Variants in SMYD3 observed in about 807,000 individuals in gnomAD.
The protein encoded by SMYD3 is SET and MYND domain containing 3.
A neutral mutation model predicts 57.7 loss-of-function variants in SMYD3; 36 were observed. The observed-to-expected ratio is 0.62, with a 90% CI of 0.48 to 0.82. SMYD3 has a LOEUF of 0.82. Ranked by LOEUF, SMYD3 falls within the 40% of genes least tolerant of loss-of-function variation. SMYD3 has a pLI of 0.00. For missense variants in SMYD3, 515 were observed against 538.8 expected (o/e 0.96, Z 0.44); for synonymous variants, 211 against 195.0 (o/e 1.08, Z -0.68).
intron 5 of SMYD3, among the ~76,000 whole-genome samples, chr1:246,075,885 ATC>A (rs1313931731): frequency 1.3e-5 from 2 of 149,300 alleles, no homozygotes; most frequent in Non-Finnish European, 3.0e-5. Context: ...AAATTTAATT[ATC>A]TGTTTTATAA....
intron 11 of SMYD3, among the ~76,000 whole-genome samples, chr1:245,756,948 TATTA>T (rs1202752207): frequency 2.6e-5 from 4 of 152,144 alleles, no homozygotes; most frequent in East Asian, 1.9e-4. Context: ...AGTTTTCCAC[TATTA>T]ATTCTTTTTT....
At position 245,928,046 on chromosome 1, in the gene SMYD3, A is replaced by G. The variant is rs763055220; in HGVS notation, c.600-13T>C. ...GAGCAAAGAGATACTGGAAAAAAAA[A>G]GGGGGGAAGACTGTCACAGCTCAGC... is the stretch of plus-strand genomic sequence containing the variant. On this transcript the variant is annotated splice_polypyrimidine_tract_variant and intron_variant, in intron 6 of 11. Coordinates refer to ENST00000490107, the MANE Select transcript of SMYD3 (RefSeq NM_001167740.2). 5.7e-5 allele frequency: 91 copies of G among 1,599,126 alleles called. No homozygotes were observed. Among genetic ancestry groups the G allele is most frequent in the African/African-American group, 4.2e-4 (31 of 74,676 alleles).
intron 8 of SMYD3, among the ~76,000 whole-genome samples, chr1:245,905,814 T>C (rs1016776768): frequency 9.9e-5 from 15 of 152,152 alleles, no homozygotes; most frequent in African/African-American, 3.6e-4. Flanking sequence ...CATGGAACAA[T>C]GGAACACAAC....
chr1:246,202,095 A>G lies in SMYD3; in HGVS notation c.531+125106T>C, dbSNP rs948066508. On this transcript the variant is annotated intron_variant, in intron 5 of 11. Transcript: ENST00000490107. The surrounding 1 kb of genome is among the most constrained non-coding windows in gnomAD (Gnocchi z 4.1). ...GAAAAACTGGAAATATGTACTGCAA[A>G]ATAATAATTATTATTTCTAGATGGT... Among the ~76,000 whole-genome samples the G allele has an allele frequency of 1.3e-5, 2 of 152,084 alleles. No homozygotes were observed. Among genetic ancestry groups the G allele is most frequent in the African/African-American group, 4.8e-5 (2 of 41,406 alleles).
intron 1 of SMYD3, among the ~76,000 whole-genome samples, chr1:246,407,669 T>A (rs2066887935): frequency 6.6e-6 from 1 of 151,778 alleles, no homozygotes; most frequent in Non-Finnish European, 1.5e-5. Context: ...TGGTGAAACC[T>A]CGTCTCTACT....
intron 5 of SMYD3, among the ~76,000 whole-genome samples, chr1:245,993,577 AAAAGATAGATAGATAGAT>A (rs1333910218): frequency 0.065 from 8,555 of 131,182 alleles, 378 homozygotes; most frequent in Non-Finnish European, 0.078. Flanking sequence ...TCAAAAAAAA[AAAAGATAGATAGATAGAT>A]AGATAGATAG....
rs181779614 is a variant in SMYD3 at position 246,027,828 on chromosome 1, G to A, written c.532-97891C>T. The stretch of plus-strand genomic sequence containing the variant: ...AAGAAATACATTTTGTAAGGCTATA[G>A]CTGCCATCAATATTGATTCTTCTGA... On this transcript the variant is annotated intron_variant, in intron 5 of 11. Coordinates refer to ENST00000490107, the MANE Select transcript of SMYD3 (RefSeq NM_001167740.2). Among the ~76,000 whole-genome samples the A allele has an allele frequency of 2.0e-5, 3 of 152,280 alleles. No homozygotes were observed. The East Asian group carries it at 5.8e-4, about 29-fold the overall frequency.
intron 5 of SMYD3, among the ~76,000 whole-genome samples, chr1:246,216,524 G>GT (rs1434247043): frequency 6.6e-6 from 1 of 152,058 alleles, no homozygotes; most frequent in Non-Finnish European, 1.5e-5. Context: ...TTAGAGAATT[G>GT]TTACTAATTG....
chr1:246,010,503 T>C (rs932447685), intron 5 of SMYD3, among the ~76,000 whole-genome samples: 4 of 152,238 alleles, frequency 2.6e-5, no homozygotes, highest in African/African-American at 9.7e-5. Flanking sequence ...GTTTTCTTCA[T>C]TTCCTACTAC....
At chr1:246,107,211 T>C (rs4654200) in intron 5 of SMYD3, among the ~76,000 whole-genome samples, 91,015 of 149,414 alleles carry the variant, frequency 0.61, 29,226 homozygotes, top group Non-Finnish European at 0.7. Flanking sequence ...GGTGTGAACC[T>C]GGGAGGCGGA....
intron 1 of SMYD3, among the ~76,000 whole-genome samples, chr1:246,363,798 G>A (rs2066050469): frequency 6.6e-6 from 1 of 151,912 alleles, no homozygotes; most frequent in Non-Finnish European, 1.5e-5. Flanking sequence ...AGGCCGCAGG[G>A]TCCTCTGCCT....
At chr1:246,460,866 T>C (rs1253300679) in intron 1 of SMYD3, among the ~76,000 whole-genome samples, 1 of 152,212 alleles carries the variant, frequency 6.6e-6, no homozygotes, top group African/African-American at 2.4e-5. Context: ...TCAGAATTAT[T>C]ATAAACTCCT....
chr1:246,038,516 C>T (rs1308164474), intron 5 of SMYD3, among the ~76,000 whole-genome samples: 1 of 152,152 alleles, frequency 6.6e-6, no homozygotes, highest in Non-Finnish European at 1.5e-5. Context: ...CCACATGTGC[C>T]TCGGGTAACT....
At chr1:246,412,418 C>A (rs1005165294) in intron 1 of SMYD3, among the ~76,000 whole-genome samples, 1 of 152,116 alleles carries the variant, frequency 6.6e-6, no homozygotes, top group African/African-American at 2.4e-5. Flanking sequence ...GATCTCTTTT[C>A]AATGCCTTCT....
intron 5 of SMYD3, among the ~76,000 whole-genome samples, chr1:245,951,952 G>C (rs1283065898): frequency 6.6e-6 from 1 of 151,988 alleles, no homozygotes; most frequent in East Asian, 1.9e-4. Context: ...TTCACTAAAG[G>C]AATCAGGGTT....
At chr1:246,432,180 T>C (rs992032646) in intron 1 of SMYD3, among the ~76,000 whole-genome samples, 4 of 152,226 alleles carry the variant, frequency 2.6e-5, no homozygotes, top group East Asian at 1.9e-4. Context: ...CACTGCATAA[T>C]AGCAGAACTA....
At chr1:245,823,298 T>C (rs922216988) in intron 10 of SMYD3, among the ~76,000 whole-genome samples, 8 of 151,500 alleles carry the variant, frequency 5.3e-5, no homozygotes, top group African/African-American at 1.7e-4. Flanking sequence ...CAAGCTTTCT[T>C]GCTCTCTGCC....
chr1:246,053,581 T>A (rs2060097765), intron 5 of SMYD3, among the ~76,000 whole-genome samples: 1 of 152,078 alleles, frequency 6.6e-6, no homozygotes, highest in African/African-American at 2.4e-5. Flanking sequence ...TTCAAAAAAA[T>A]GATGCAGGAA....
intron 5 of SMYD3, among the ~76,000 whole-genome samples, chr1:246,239,715 A>C (rs2063573633): frequency 1.3e-5 from 2 of 152,236 alleles, no homozygotes; most frequent in African/African-American, 2.4e-5. Flanking sequence ...CAACAGTGTA[A>C]AAGTGTTCGT....
Sources: gnomAD v4.1 joint callset for allele counts (sites outside exome capture counted in the v4.1 genomes callset) on GRCh38, gnomAD v4.1.1 for gene constraint, Gnocchi (gnomAD v3.1) non-coding constraint, MANE v1.5 for transcripts, NCBI Gene and HGNC (gene_info 2026-07-23, HGNC 2026-07-21) for gene names.